Variants in PDPR observed in about 807,000 individuals in gnomAD.
PDPR encodes the protein pyruvate dehydrogenase phosphatase regulatory subunit.
A neutral mutation model predicts 102.2 loss-of-function variants in PDPR; 50 were observed. That is an observed-to-expected ratio of 0.49 (90% confidence interval 0.39 to 0.62). PDPR has a LOEUF of 0.62. PDPR is among the 20% of genes least tolerant of loss of function. PDPR has a pLI of 0.00. For missense variants in PDPR, 625 were observed against 1,098.2 expected (o/e 0.57, Z 6.09); for synonymous variants, 259 against 406.0 (o/e 0.64, Z 4.35).
intron 17 of PDPR, among the ~76,000 whole-genome samples, chr16:70,150,531 A>AATTTTTTT (rs551680317): frequency 7.2e-6 from 1 of 138,300 alleles, no homozygotes; most frequent in African/African-American, 2.7e-5. Context: ...TTTTCTCTTA[A>AATTTTTTT]TTTTTTTTTT....
intron 3 of PDPR, 56 bp downstream of exon 3, chr16:70,120,775 C>T: frequency 8.7e-7 from 1 of 1,154,636 alleles, no homozygotes; most frequent in South Asian, 1.3e-5. Context: ...GTATAAGATT[C>T]CCTCTCCTTT....
In PDPR at chr16:70,152,543, T is replaced by A. The variant is rs8060760; in HGVS notation, c.2053-848T>A. 5.2e-3 allele frequency among the ~76,000 whole-genome samples: 786 copies of A among 152,196 alleles called. 5 individuals carry two copies. Among genetic ancestry groups the A allele is most frequent in the African/African-American group, 0.018 (732 of 41,422 alleles). On this transcript the variant is annotated intron_variant, in intron 17 of 18. Transcript: ENST00000288050. Reference sequence around the variant, plus strand: ...AAAAATAAATAAGTAAATAAAGTTGTCTTGATCATAGTGGTCTGTTTGGTA... The same window carrying A: ...AAAAATAAATAAGTAAATAAAGTTGACTTGATCATAGTGGTCTGTTTGGTA...
chr16:70,125,831 G>T (rs553958058), intron 3 of PDPR, among the ~76,000 whole-genome samples: 1 of 152,108 alleles, frequency 6.6e-6, no homozygotes, highest in Non-Finnish European at 1.5e-5. Flanking sequence ...ATGGGGTTTC[G>T]CCATGTTGGC....
intron 18 of PDPR, among the ~76,000 whole-genome samples, chr16:70,154,796 C>T (rs1234360777): frequency 6.6e-6 from 1 of 152,242 alleles, no homozygotes; most frequent in Non-Finnish European, 1.5e-5. Context: ...CACAACCATG[C>T]CCAGCTAATT....
Position 70,130,424 on chromosome 16 carries a change from T to C in PDPR, c.609T>C (p.Gly203=). The C allele has an allele frequency of 1.2e-6, 2 of 1,613,424 alleles. No individual in the cohort carries two copies. Among genetic ancestry groups the C allele is most frequent in the Non-Finnish European group, 1.7e-6 (2 of 1,179,650 alleles). ...LALASAASQN[G]VQIYDRTSVL... ...AACTCTTTCTTTACCTTGGAACAGGTGTTCAGATCTATGACCGGACATCTG... is the reference window on the plus strand; with the variant it reads ...AACTCTTTCTTTACCTTGGAACAGGCGTTCAGATCTATGACCGGACATCTG... The change falls in exon 7 of 19, where the codon GGT becomes GGC. Residue 203 remains glycine (G), a splice_region_variant and synonymous_variant. Transcript: ENST00000288050.
rs1187267180 is a variant in PDPR at position 70,160,010 on chromosome 16, C to T, written c.*3131C>T. 1 of 153,116 alleles carries T rather than the reference C, an allele frequency of 6.5e-6. No individual in the cohort carries two copies. The highest frequency in any genetic ancestry group is 1.5e-5 in the Non-Finnish European group (1 of 68,702). 9.5% of individuals were successfully genotyped at this position (153,116 alleles called of 1,614,324 possible). On this transcript the variant is annotated 3_prime_UTR_variant, in exon 19 of 19. Coordinates refer to ENST00000288050, the MANE Select transcript of PDPR (RefSeq NM_017990.5). ...GGTGCTTTTTTCTCTCTGCAATTAC[C>T]TGTCATAGCATTTTGTGCTCACCAC...
At chr16:70,148,117 A>G (rs1364800848) in intron 16 of PDPR, among the ~76,000 whole-genome samples, 2 of 152,358 alleles carry the variant, frequency 1.3e-5, no homozygotes, top group East Asian at 3.9e-4. Flanking sequence ...CCCAGAGAAG[A>G]CACTCGCCTT....
intron 18 of PDPR, chr16:70,156,237 A>G: frequency 1.8e-6 from 1 of 565,284 alleles, no homozygotes; most frequent in Non-Finnish European, 3.1e-6. Flanking sequence ...TATGTTTATA[A>G]AATAGGAAAC....
Position 70,157,449 on chromosome 16 carries a change from A to C in PDPR, c.*570A>C. 2.9e-6 allele frequency: 1 copy of C among 348,992 alleles called. No homozygotes were observed. Among genetic ancestry groups the C allele is most frequent in the South Asian group, 2.3e-5 (1 of 43,624 alleles). 21.6% of individuals were successfully genotyped at this position (348,992 alleles called of 1,614,324 possible). ...GATGATTATCTACCTCACTGATAAG[A>C]GGCATCGCATGGACGTTCTCTGGTC... On this transcript the variant is annotated 3_prime_UTR_variant, in exon 19 of 19. Transcript: ENST00000288050.
At chr16:70,135,251 T>TTTTC (rs397955333) in intron 9 of PDPR, among the ~76,000 whole-genome samples, 1 of 152,018 alleles carries the variant, frequency 6.6e-6, no homozygotes, top group African/African-American at 2.4e-5. Flanking sequence ...TTTTTTTTTT[T>TTTTC]CCTGAGATGG....
intron 17 of PDPR, among the ~76,000 whole-genome samples, chr16:70,151,907 G>A (rs370958706): frequency 3.7e-4 from 57 of 152,384 alleles, no homozygotes; most frequent in African/African-American, 1.1e-3. Context: ...TAAATGGTGG[G>A]GAACTACTCT....
At chr16:70,129,419 A>G (rs1252826332) in intron 6 of PDPR, among the ~76,000 whole-genome samples, 1 of 152,270 alleles carries the variant, frequency 6.6e-6, no homozygotes, top group Admixed American at 6.5e-5. Context: ...ATCTTGGCTC[A>G]CTGCAACCTT....
chr16:70,152,955 T>G (rs1966840744), intron 17 of PDPR, among the ~76,000 whole-genome samples: 1 of 152,276 alleles, frequency 6.6e-6, no homozygotes, highest in South Asian at 2.1e-4. Context: ...GCCTCACAGC[T>G]TGGGCCAGTA....
At chr16:70,129,213 A>C in intron 6 of PDPR, 91 bp downstream of exon 6, 1 of 1,612,252 alleles carries the variant, frequency 6.2e-7, no homozygotes, top group South Asian at 1.1e-5. Flanking sequence ...CACCAACTCA[A>C]GTTTGGAAAG....
intron 15 of PDPR, among the ~76,000 whole-genome samples, chr16:70,144,898 T>C (rs1966091536): frequency 6.6e-6 from 1 of 151,462 alleles, no homozygotes. Context: ...GAGGTTGCAG[T>C]GAGCCCCAGA....
intron 4 of PDPR, 44 bp from the exon 5 acceptor site, chr16:70,128,740 A>G (rs373342028): frequency 9.7e-5 from 156 of 1,613,300 alleles, no homozygotes; most frequent in Admixed American, 1.7e-4. Flanking sequence ...CTCCTGTCCT[A>G]CATTTGGTCT....
At chr16:70,137,956 G>T (rs1316837163) in intron 10 of PDPR, among the ~76,000 whole-genome samples, 2 of 151,958 alleles carry the variant, frequency 1.3e-5, no homozygotes, top group African/African-American at 4.8e-5. Flanking sequence ...GCAGCCGCAA[G>T]TTCCTGGGCT....
intron 15 of PDPR, among the ~76,000 whole-genome samples, chr16:70,145,213 A>G (rs1966129870): frequency 6.6e-6 from 1 of 152,182 alleles, no homozygotes; most frequent in African/African-American, 2.4e-5. Context: ...AGATCATGCC[A>G]TTGCACCTCC....
At position 70,157,791 on chromosome 16, in the gene PDPR, T is replaced by C; in HGVS notation, c.*912T>C. On this transcript the variant is annotated 3_prime_UTR_variant, in exon 19 of 19. Coordinates refer to ENST00000288050, the MANE Select transcript of PDPR (RefSeq NM_017990.5). ...CAGCTGTCCAAAGTTCAGCCGTTCCTCCTTCCCCTTCTCCCAGTGCGTTTG... is the reference window on the plus strand; with the variant it reads ...CAGCTGTCCAAAGTTCAGCCGTTCCCCCTTCCCCTTCTCCCAGTGCGTTTG... 6.4e-6 allele frequency: 1 copy of C among 155,356 alleles called. No individual in the cohort carries two copies. Among genetic ancestry groups the C allele is most frequent in the Non-Finnish European group, 1.4e-5 (1 of 69,954 alleles). The allele number at this position is 155,356 out of a possible 1,614,324, so 9.6% of individuals were successfully genotyped here. A position where few individuals can be genotyped will look rare whatever the true frequency, so the allele number is the denominator to read the frequency against.
Sources: allele counts gnomAD v4.1 joint callset (sites outside exome capture counted in the v4.1 genomes callset), GRCh38; gene constraint gnomAD v4.1.1; transcripts MANE v1.5; gene names NCBI Gene and HGNC (gene_info 2026-07-23, HGNC 2026-07-21).